MDGA2: variants seen among roughly 807,000 people sequenced by gnomAD.
MDGA2 encodes MAM domain-containing glycosylphosphatidylinositol anchor protein 2.
A neutral mutation model predicts 117.8 loss-of-function variants in MDGA2; 40 were observed. The observed-to-expected ratio is 0.34, with a 90% CI of 0.26 to 0.44. The LOEUF is 0.44. Among genes scored for constraint, MDGA2 ranks in the 20% least tolerant of loss-of-function variants. The pLI is 1.00. For missense variants in MDGA2, 1,123 were observed against 1,250.6 expected (o/e 0.90, Z 1.54); for synonymous variants, 452 against 439.0 (o/e 1.03, Z -0.37).
intron 1 of MDGA2, among the ~76,000 whole-genome samples, chr14:47,612,904 T>C (rs1358202929): frequency 1.3e-5 from 2 of 152,186 alleles, no homozygotes; most frequent in Non-Finnish European, 2.9e-5. Context: ...GCTGATCAAG[T>C]TTATTAGCAG....
chr14:47,347,323 C>A lies in MDGA2; in HGVS notation c.281-45773G>T, dbSNP rs141650960. ...TTGAGGAGACTGAGGCAATAATGCC[C>A]GTATTTGAGAGTGGTATGTACTTTA... On this transcript the variant is annotated intron_variant, in intron 1 of 16. Transcript: ENST00000399232. Among the ~76,000 whole-genome samples the A allele has an allele frequency of 3.8e-3, 581 of 152,088 alleles. 3 individuals are homozygous for A. The highest frequency in any genetic ancestry group is 0.013 in the African/African-American group (555 of 41,492).
intron 7 of MDGA2, among the ~76,000 whole-genome samples, chr14:47,042,971 C>T (rs894554964): frequency 4.6e-5 from 7 of 151,980 alleles, no homozygotes; most frequent in Admixed American, 3.3e-4. Flanking sequence ...TATAAGAACA[C>T]CAATTGTCAG....
intron 3 of MDGA2, among the ~76,000 whole-genome samples, chr14:47,150,579 T>A (rs1034517824): frequency 6.6e-6 from 1 of 152,078 alleles, no homozygotes; most frequent in Admixed American, 6.6e-5. Flanking sequence ...TCAATACCTA[T>A]CCTTATCACA....
intron 9 of MDGA2, among the ~76,000 whole-genome samples, chr14:46,927,587 G>A (rs1884380772): frequency 6.6e-6 from 1 of 152,118 alleles, no homozygotes; most frequent in African/African-American, 2.4e-5. Flanking sequence ...CAACAGTGAA[G>A]TCAATGACAA....
chr14:47,422,151 T>C (rs1336843549), intron 1 of MDGA2, among the ~76,000 whole-genome samples: 4 of 152,212 alleles, frequency 2.6e-5, no homozygotes, highest in African/African-American at 9.6e-5. Flanking sequence ...TTCTACTCTC[T>C]TCCTTGGTTA....
At chr14:47,610,417 A>G (rs1306304414) in intron 1 of MDGA2, among the ~76,000 whole-genome samples, 4 of 152,014 alleles carry the variant, frequency 2.6e-5, no homozygotes, top group African/African-American at 4.8e-5. Context: ...TGAAAACCCT[A>G]ATGACTCTTC....
chr14:47,617,213 T>G (rs530690520), intron 1 of MDGA2, among the ~76,000 whole-genome samples: 12 of 152,120 alleles, frequency 7.9e-5, no homozygotes, highest in Non-Finnish European at 1.8e-4. Context: ...ATTAGTCTTT[T>G]TTTTTTTTTT....
At chr14:47,277,252 A>G (rs1210742283) in intron 2 of MDGA2, among the ~76,000 whole-genome samples, 1 of 152,178 alleles carries the variant, frequency 6.6e-6, no homozygotes, top group Non-Finnish European at 1.5e-5. Flanking sequence ...CATCTCAGAA[A>G]CTGTTTCCAG....
intron 5 of MDGA2, among the ~76,000 whole-genome samples, chr14:47,098,162 GTTTT>G (rs113151791): frequency 3.5e-5 from 5 of 141,594 alleles, no homozygotes; most frequent in Non-Finnish European, 7.6e-5. Flanking sequence ...ATTGTACTGT[GTTTT>G]TTTTAATATA....
intron 2 of MDGA2, among the ~76,000 whole-genome samples, chr14:47,270,890 C>T (rs1488235151): frequency 6.6e-6 from 1 of 152,106 alleles, no homozygotes; most frequent in African/African-American, 2.4e-5. Flanking sequence ...GGCTTGTTTA[C>T]TCATGTGATT....
At chr14:47,027,333 A>T (rs2138614376) in intron 8 of MDGA2, among the ~76,000 whole-genome samples, 1 of 152,264 alleles carries the variant, frequency 6.6e-6, no homozygotes, top group East Asian at 1.9e-4. Flanking sequence ...TACCTAGCTG[A>T]CAATATCAAT....
chr14:47,599,650 T>C (rs994547031), intron 1 of MDGA2, among the ~76,000 whole-genome samples: 3 of 152,158 alleles, frequency 2.0e-5, no homozygotes, highest in Non-Finnish European at 4.4e-5. Context: ...TATACTAATG[T>C]AGAACTGGAA....
intron 3 of MDGA2, among the ~76,000 whole-genome samples, chr14:47,182,745 A>T (rs1260095943): frequency 6.6e-6 from 1 of 152,170 alleles, no homozygotes; most frequent in East Asian, 1.9e-4. Context: ...TAACACCAAC[A>T]ATTACAAGAA....
At position 47,144,121 on chromosome 14, in the gene MDGA2, C is replaced by A; in HGVS notation, c.749G>T (p.Gly250Val). The A allele has an allele frequency of 6.4e-7, 1 of 1,550,932 alleles. No homozygotes were observed. The highest frequency in any genetic ancestry group is 1.4e-5 in the African/African-American group (1 of 73,102). ...WRRGQEVLLQGSDKGVEIYEP... is the reference protein window; with the variant it reads ...WRRGQEVLLQVSDKGVEIYEP... ...ATAAATCTCAACTCCTTTATCAGAT[C>A]CTTGCAGCAAGACCTCCTGGCCACG... The change falls in exon 4 of 17, where the codon GGA becomes GTA. Residue 250 changes from glycine (G) to valine (V), a missense_variant. By Grantham distance (109) the Gly-to-Val change is moderately radical (BLOSUM62 -3). Around this residue, in one of 2 missense-constraint regions of MDGA2, gnomAD observed 890 missense variants for 1,050.3 expected, o/e 0.85. Coordinates refer to ENST00000399232, the MANE Select transcript of MDGA2 (RefSeq NM_001113498.3).
At chr14:47,632,753 T>C (rs940873121) in intron 1 of MDGA2, among the ~76,000 whole-genome samples, 1 of 151,670 alleles carries the variant, frequency 6.6e-6, no homozygotes, top group African/African-American at 2.4e-5. Flanking sequence ...TTTTCTTTCT[T>C]TTTTTTTGAG....
chr14:47,333,727 C>T lies in MDGA2; in HGVS notation c.281-32177G>A, dbSNP rs538108530. ...TCATACTCACACAAATTTAATAAGT[C>T]ATCATTTAATAAAATAAGATAATTT... On this transcript the variant is annotated intron_variant, in intron 1 of 16. Transcript: ENST00000399232. Among the ~76,000 whole-genome samples the T allele has an allele frequency of 1.4e-4, 20 of 144,616 alleles. No individual in the cohort carries two copies. In the South Asian group the frequency reaches 4.3e-3, roughly 31 times the overall value. 94.9% of individuals were successfully genotyped at this position (144,616 alleles called of 152,430 possible).
intron 1 of MDGA2, among the ~76,000 whole-genome samples, chr14:47,632,679 G>A (rs971510024): frequency 6.6e-6 from 1 of 152,044 alleles, no homozygotes; most frequent in African/African-American, 2.4e-5. Flanking sequence ...CATAAATAAT[G>A]ACCTTCTTAA....
chr14:46,893,823 C>A (rs1882975240), intron 10 of MDGA2, among the ~76,000 whole-genome samples: 1 of 151,912 alleles, frequency 6.6e-6, no homozygotes, highest in African/African-American at 2.4e-5. Context: ...TACTGTCAGT[C>A]TCCCTTAAAT....
intron 1 of MDGA2, among the ~76,000 whole-genome samples, chr14:47,493,147 G>T (rs1399760172): frequency 6.6e-6 from 1 of 151,522 alleles, no homozygotes; most frequent in Non-Finnish European, 1.5e-5. Flanking sequence ...CAATCTTTAA[G>T]GTAAGACCTG....
Sources: allele counts gnomAD v4.1 joint callset (sites outside exome capture counted in the v4.1 genomes callset), GRCh38; gene constraint gnomAD v4.1.1; regional missense constraint gnomAD v4.1.1; transcripts MANE v1.5; gene names NCBI Gene and HGNC (gene_info 2026-07-23, HGNC 2026-07-21).